MPPED2: variants seen among roughly 807,000 people sequenced by gnomAD.
The protein encoded by MPPED2 is metallophosphoesterase MPPED2.
Under a neutral mutation model 33.0 loss-of-function variants are expected in MPPED2, and 5 were observed. The observed-to-expected ratio is 0.15, with a 90% CI of 0.08 to 0.32. The LOEUF (loss-of-function observed/expected upper bound fraction) is 0.32. MPPED2 is among the 10% of genes least tolerant of loss of function. The pLI, the probability that MPPED2 is intolerant of heterozygous loss-of-function variation, is 1.00. For synonymous variants in MPPED2, 136 were observed against 141.9 expected, an observed-to-expected ratio of 0.96 and a Z score of 0.29; for missense variants, 275 against 372.1, an observed-to-expected ratio of 0.74 and a Z score of 2.15.
rs74656071 is a variant in MPPED2 at position 30,423,785 on chromosome 11, T to A, written c.537-6152A>T. On this transcript the variant is annotated intron_variant, in intron 4 of 6. Coordinates refer to ENST00000358117, the MANE Select transcript of MPPED2 (RefSeq NM_001584.3). ...TTTACATATGATATATATTAACACA[T>A]ACATGTATGTGTGTGTACATATATA... Among the ~76,000 whole-genome samples the A allele has an allele frequency of 1.4e-4, 22 of 152,338 alleles. No individual in the cohort carries two copies. In the East Asian group the frequency reaches 3.1e-3, roughly 21 times the overall value.
intron 6 of MPPED2, among the ~76,000 whole-genome samples, chr11:30,391,107 T>C (rs1158284124): frequency 1.3e-5 from 2 of 152,140 alleles, no homozygotes; most frequent in African/African-American, 2.4e-5. Flanking sequence ...CACAGATAGA[T>C]TGCAGATCCC....
intron 4 of MPPED2, among the ~76,000 whole-genome samples, chr11:30,468,630 C>T (rs796436454): frequency 3.3e-5 from 5 of 152,226 alleles, no homozygotes; most frequent in African/African-American, 9.6e-5. Context: ...GATGCCCAGG[C>T]AAGATATACA....
intron 2 of MPPED2, among the ~76,000 whole-genome samples, chr11:30,560,823 A>G (rs1458960234): frequency 2.0e-5 from 3 of 152,160 alleles, no homozygotes; most frequent in Non-Finnish European, 4.4e-5. Context: ...GAGCAGGCCC[A>G]TAGTCATGCA....
At chr11:30,504,176 T>G (rs1353460062) in intron 3 of MPPED2, among the ~76,000 whole-genome samples, 1 of 152,200 alleles carries the variant, frequency 6.6e-6, no homozygotes, top group Non-Finnish European at 1.5e-5. Context: ...ATTTTTCCTA[T>G]TTAAAATTAT....
chr11:30,472,859 GC>G (rs1565101710), intron 4 of MPPED2, among the ~76,000 whole-genome samples: 1 of 152,078 alleles, frequency 6.6e-6, no homozygotes, highest in East Asian at 1.9e-4. Context: ...TGTACTTAAT[GC>G]CACTTAAAAT....
chr11:30,442,297 T>C (rs571890794), intron 4 of MPPED2, among the ~76,000 whole-genome samples: 1 of 152,268 alleles, frequency 6.6e-6, no homozygotes, highest in African/African-American at 2.4e-5. Flanking sequence ...TACATGTGAG[T>C]ATTTAGTCAA....
rs1554919022 is a variant in MPPED2, at chr11:30,583,134, C to CTTTTTTTCTTT, written c.-121-2641_-121-2640insAAAGAAAAAAA. 4.4e-4 allele frequency among the ~76,000 whole-genome samples: 43 copies of CTTTTTTTCTTT among 96,638 alleles called. 1 individual carries two copies. The highest frequency in any genetic ancestry group is 1.3e-3 in the African/African-American group (27 of 20,678). 63.4% of individuals were successfully genotyped at this position (96,638 alleles called of 152,430 possible). A position where few individuals can be genotyped will look rare whatever the true frequency, so the allele number is the denominator to read the frequency against. On this transcript the variant is annotated intron_variant, in intron 1 of 6. Transcript: ENST00000358117. The stretch of plus-strand genomic sequence containing the variant: ...CACAAACACCTGGAAAAGACTTTTT[C>CTTTTTTTCTTT]TTTTTTTTTTTTTTTTTTTTTTTTT...
At chr11:30,585,792 G>T (rs1957439291) in intron 1 of MPPED2, among the ~76,000 whole-genome samples, 1 of 152,170 alleles carries the variant, frequency 6.6e-6, no homozygotes, top group African/African-American at 2.4e-5. Context: ...TTTCGCTCAG[G>T]GGTTGAAAAT....
Position 30,410,999 on chromosome 11 carries a change from C to A in MPPED2, c.*469G>T. On this transcript the variant is annotated 3_prime_UTR_variant, in exon 7 of 7. Transcript: ENST00000358117. Reference sequence around the variant, plus strand: ...AGAAGATTGCTATAAATTGGGACCACATCTGCAAAAAAGAAGCATTACCAA... The same window carrying A: ...AGAAGATTGCTATAAATTGGGACCAAATCTGCAAAAAAGAAGCATTACCAA... The A allele has an allele frequency of 3.0e-6, 3 of 985,710 alleles. No individual in the cohort carries two copies. The highest frequency in any genetic ancestry group is 3.6e-6 in the Non-Finnish European group (3 of 829,936). 61.1% of individuals were successfully genotyped at this position (985,710 alleles called of 1,614,324 possible).
At chr11:30,509,436 A>C (rs150120363) in intron 3 of MPPED2, among the ~76,000 whole-genome samples, 4 of 152,288 alleles carry the variant, frequency 2.6e-5, no homozygotes, top group Non-Finnish European at 5.9e-5. Context: ...AGTTAATGGA[A>C]TAGTCATTCA....
exon 7 of MPPED2, chr11:30,385,793 C>T (rs905634960): frequency 1.3e-5 from 2 of 152,166 alleles, no homozygotes; most frequent in African/African-American, 2.4e-5. Flanking sequence ...GTGGCTGCCT[C>T]ATCCACATCA....
chr11:30,471,382 C>A (rs1052647044), intron 4 of MPPED2, among the ~76,000 whole-genome samples: 58 of 152,338 alleles, frequency 3.8e-4, no homozygotes, highest in Non-Finnish European at 6.8e-4. Flanking sequence ...AGGATACCAT[C>A]CAAACTCTCT....
intron 4 of MPPED2, among the ~76,000 whole-genome samples, chr11:30,484,716 T>A (rs1951641358): frequency 6.6e-6 from 1 of 152,198 alleles, no homozygotes; most frequent in African/African-American, 2.4e-5. Flanking sequence ...TATCCACTCT[T>A]CCATGCCTTT....
At chr11:30,418,464 G>C (rs1948471277) in intron 4 of MPPED2, among the ~76,000 whole-genome samples, 1 of 152,158 alleles carries the variant, frequency 6.6e-6, no homozygotes, top group Non-Finnish European at 1.5e-5. Context: ...ACAAGTAATG[G>C]GAGACTGATC....
intron 3 of MPPED2, among the ~76,000 whole-genome samples, chr11:30,515,618 C>T (rs927855568): frequency 6.6e-6 from 1 of 152,180 alleles, no homozygotes; most frequent in Non-Finnish European, 1.5e-5. Context: ...GTTAACCACA[C>T]CATCAGAGTG....
chr11:30,414,446 G>T, intron 5 of MPPED2, 105 bp from the exon 6 acceptor site: 1 of 735,968 alleles, frequency 1.4e-6, no homozygotes. Context: ...TACATTATCT[G>T]TAATCCTAGC....
intron 6 of MPPED2, among the ~76,000 whole-genome samples, chr11:30,393,453 C>G (rs1487160657): frequency 6.6e-6 from 1 of 152,148 alleles, no homozygotes; most frequent in African/African-American, 2.4e-5. Flanking sequence ...ATTCCCTTCC[C>G]TTTATCTCAA....
chr11:30,585,219 G>GGTACTC (rs1957404135), intron 1 of MPPED2, among the ~76,000 whole-genome samples: 1 of 152,130 alleles, frequency 6.6e-6, no homozygotes, highest in Non-Finnish European at 1.5e-5. Flanking sequence ...CGGCGGCAAC[G>GGTACTC]GTTACTTTTC....
intron 6 of MPPED2, among the ~76,000 whole-genome samples, chr11:30,389,511 G>A (rs1351355773): frequency 6.6e-6 from 1 of 152,184 alleles, no homozygotes; most frequent in Non-Finnish European, 1.5e-5. Flanking sequence ...TATGCTGGTG[G>A]TTATGATTCT....
Sources: gnomAD v4.1 joint callset for allele counts (sites outside exome capture counted in the v4.1 genomes callset) on GRCh38, gnomAD v4.1.1 for gene constraint, MANE v1.5 for transcripts, NCBI Gene and HGNC (gene_info 2026-07-23, HGNC 2026-07-21) for gene names.